Variants in RAPGEF4 observed in about 807,000 individuals in gnomAD.
The protein encoded by RAPGEF4 is Rap guanine nucleotide exchange factor 4.
Under a neutral mutation model 147.9 loss-of-function variants are expected in RAPGEF4, and 66 were observed. The ratio of observed to expected loss-of-function variants is 0.45; its 90% CI spans 0.37 to 0.55. The LOEUF (loss-of-function observed/expected upper bound fraction) is 0.55, where lower values mean the gene tolerates loss of function less well. Ranked by LOEUF, RAPGEF4 falls within the 20% of genes least tolerant of loss-of-function variation. The pLI is 0.00. For missense variants in RAPGEF4, 1,071 were observed against 1,257.3 expected (o/e 0.85, Z 2.24); for synonymous variants, 419 against 442.7 (o/e 0.95, Z 0.67).
chr2:172,775,043 C>T (rs1684025058), intron 1 of RAPGEF4, among the ~76,000 whole-genome samples: 2 of 152,156 alleles, frequency 1.3e-5, no homozygotes, highest in South Asian at 4.1e-4. Flanking sequence ...GCTTCCTTTC[C>T]TTCATAGGAG....
chr2:172,773,119 A>G (rs930088097), intron 1 of RAPGEF4, among the ~76,000 whole-genome samples: 3 of 152,162 alleles, frequency 2.0e-5, no homozygotes, highest in East Asian at 1.9e-4. Flanking sequence ...TTGGCTGGGC[A>G]TTTTCCTTCT....
chr2:172,774,442 G>A (rs1247336344), intron 1 of RAPGEF4, among the ~76,000 whole-genome samples: 1 of 152,184 alleles, frequency 6.6e-6, no homozygotes, highest in African/African-American at 2.4e-5. Flanking sequence ...ACTACTGGCT[G>A]TTCCTGGCCT....
intron 10 of RAPGEF4, among the ~76,000 whole-genome samples, chr2:172,971,310 A>G (rs1245048770): frequency 6.6e-6 from 1 of 152,212 alleles, no homozygotes; most frequent in Admixed American, 6.5e-5. Flanking sequence ...AGGATGGTCT[A>G]TCAGAGACCA....
chr2:173,046,056 C>T (rs1685428411), intron 29 of RAPGEF4, among the ~76,000 whole-genome samples: 1 of 152,218 alleles, frequency 6.6e-6, no homozygotes, highest in Non-Finnish European at 1.5e-5. Flanking sequence ...ATTCACACAT[C>T]ATCACTGTGG....
At chr2:172,814,228 C>T (rs780192006) in intron 3 of RAPGEF4, 51 bp from the exon 4 acceptor site, 7 of 1,585,164 alleles carry the variant, frequency 4.4e-6, no homozygotes, top group Non-Finnish European at 6.1e-6. Context: ...AAGAAAACAC[C>T]TACCCATTAG....
intron 1 of RAPGEF4, among the ~76,000 whole-genome samples, chr2:172,738,756 C>G (rs1574646244): frequency 6.6e-6 from 1 of 151,934 alleles, no homozygotes; most frequent in Admixed American, 6.6e-5. Context: ...GGGAAAAGGA[C>G]GTAACTGGGA....
chr2:172,924,635 A>G (rs1685089217), intron 6 of RAPGEF4, among the ~76,000 whole-genome samples: 1 of 152,198 alleles, frequency 6.6e-6, no homozygotes, highest in Non-Finnish European at 1.5e-5. Flanking sequence ...AATGAAAGAC[A>G]TTCGTGAGCA....
intron 10 of RAPGEF4, among the ~76,000 whole-genome samples, chr2:172,975,300 A>G (rs79894852): frequency 4.5e-4 from 68 of 152,330 alleles, no homozygotes; most frequent in African/African-American, 1.5e-3. Context: ...AACCACAAAC[A>G]AAACTTAATC....
intron 1 of RAPGEF4, among the ~76,000 whole-genome samples, chr2:172,775,037 C>T (rs1038001165): frequency 2.6e-5 from 4 of 152,182 alleles, no homozygotes; most frequent in Admixed American, 6.5e-5. Flanking sequence ...GGCGTGGCTT[C>T]CTTTCCTTCA....
chr2:172,899,171 A>C (rs538375079), intron 4 of RAPGEF4, among the ~76,000 whole-genome samples: 126 of 152,324 alleles, frequency 8.3e-4, no homozygotes, highest in Non-Finnish European at 1.6e-3. Flanking sequence ...CACCTGTATC[A>C]TACTGTTTAG....
At chr2:172,846,019 C>A (rs566415810) in intron 4 of RAPGEF4, among the ~76,000 whole-genome samples, 2 of 152,160 alleles carry the variant, frequency 1.3e-5, no homozygotes, top group African/African-American at 4.8e-5. Context: ...CATAGCAAAC[C>A]CTCCTCACCG....
chr2:172,894,656 G>A (rs1336388854), intron 4 of RAPGEF4, among the ~76,000 whole-genome samples: 2 of 152,174 alleles, frequency 1.3e-5, no homozygotes, highest in East Asian at 3.9e-4. Flanking sequence ...AATTTAGACT[G>A]ACTGCATGAA....
At position 172,988,780 on chromosome 2, in the gene RAPGEF4, C is replaced by G; in HGVS notation, c.1315C>G (p.Arg439Gly). 6.2e-7 allele frequency: 1 copy of G among 1,613,076 alleles called. No homozygotes were observed. The highest frequency in any genetic ancestry group is 8.5e-7 in the Non-Finnish European group (1 of 1,179,040). Residue 439 changes from arginine to glycine, a missense_variant, in exon 14 of 31, where the codon CGA becomes GGA. Coordinates refer to ENST00000397081, the MANE Select transcript of RAPGEF4 (RefSeq NM_007023.4). ...DAPRAASIVL[R>G]EDNCHFLRVD... ...CCCACGAGCTGCCTCTATCGTCTTA[C>G]GAGAAGATAACTGCCATTTCTTAAG...
At chr2:173,021,517 G>A (rs1489968943) in intron 23 of RAPGEF4, among the ~76,000 whole-genome samples, 1 of 152,192 alleles carries the variant, frequency 6.6e-6, no homozygotes, top group Non-Finnish European at 1.5e-5. Flanking sequence ...GAACCCGGGA[G>A]GCGGAGCTTG....
chr2:172,955,483 A>G (rs111823473), intron 6 of RAPGEF4, among the ~76,000 whole-genome samples: 12 of 152,326 alleles, frequency 7.9e-5, no homozygotes, highest in African/African-American at 2.6e-4. Flanking sequence ...AGAAAGCTGA[A>G]TGCCTCTGCC....
chr2:173,028,761 T>G (rs964180245), intron 25 of RAPGEF4, among the ~76,000 whole-genome samples: 4 of 152,224 alleles, frequency 2.6e-5, no homozygotes, highest in African/African-American at 9.6e-5. Flanking sequence ...TCTACAAGAA[T>G]GAGGTTGAAA....
chr2:172,978,326 C>G (rs1315300326), intron 10 of RAPGEF4, among the ~76,000 whole-genome samples: 2 of 152,212 alleles, frequency 1.3e-5, no homozygotes, highest in African/African-American at 4.8e-5. Flanking sequence ...TTTCCTCTCA[C>G]TAGTTGCCAA....
chr2:172,775,254 T>C (rs553820577), intron 1 of RAPGEF4, among the ~76,000 whole-genome samples: 9 of 152,366 alleles, frequency 5.9e-5, no homozygotes, highest in African/African-American at 2.2e-4. Flanking sequence ...GGTTTCTTAT[T>C]GCCCAGGTAG....
At chr2:173,023,002 T>C (rs886801688) in intron 23 of RAPGEF4, among the ~76,000 whole-genome samples, 5 of 152,206 alleles carry the variant, frequency 3.3e-5, no homozygotes, top group Admixed American at 6.5e-5. Context: ...GGCTCTAAAA[T>C]GGTCTTGAAG....
Sources: gnomAD v4.1 joint callset for allele counts (sites outside exome capture counted in the v4.1 genomes callset) on GRCh38, gnomAD v4.1.1 for gene constraint, MANE v1.5 for transcripts, NCBI Gene and HGNC (gene_info 2026-07-23, HGNC 2026-07-21) for gene names.